The following NLRP12 variants were observed in gnomAD, a reference collection of about 807,000 sequenced individuals.
NLRP12 encodes the protein NLR family pyrin domain containing 12, also known as NACHT, LRR and PYD domains-containing protein 12.
Under a neutral mutation model 91.2 loss-of-function variants are expected in NLRP12, and 108 were observed. That is an observed-to-expected ratio of 1.18 (90% confidence interval 1.01 to 1.39). NLRP12 has a LOEUF of 1.39. NLRP12 is among the 40% of genes most tolerant of loss of function. NLRP12 has a pLI of 0.00. For missense variants in NLRP12, 1,530 were observed against 1,352.7 expected, an observed-to-expected ratio of 1.13 and a Z score of -2.06; for synonymous variants, 613 against 566.7, an observed-to-expected ratio of 1.08 and a Z score of -1.16.
intron 1 of NLRP12, among the ~76,000 whole-genome samples, chr19:53,823,307 T>C (rs953513729): frequency 2.2e-5 from 3 of 137,346 alleles, no homozygotes; most frequent in Non-Finnish European, 4.6e-5. Context: ...TAATATAGTA[T>C]ATTTATATAA....
intron 6 of NLRP12, among the ~76,000 whole-genome samples, chr19:53,803,122 G>A (rs922074015): frequency 2.0e-5 from 3 of 152,074 alleles, no homozygotes; most frequent in African/African-American, 7.2e-5. Flanking sequence ...GGCTGACTGT[G>A]GCTCAGTGGC....
Position 53,824,232 on chromosome 19 carries a change from G to A in NLRP12, c.-58C>T, listed in dbSNP as rs542195585. 9.6e-6 allele frequency: 15 copies of A among 1,570,182 alleles called. No individual in the cohort carries two copies. The East Asian group carries it at 3.1e-4, about 33-fold the overall frequency. ...GGAGGCTGAGATGCTCCTATGCACGGGACACAGGGCGACCCCAGCACACCT... is the reference window on the plus strand; with the variant it reads ...GGAGGCTGAGATGCTCCTATGCACGAGACACAGGGCGACCCCAGCACACCT... On this transcript the variant is annotated 5_prime_UTR_variant, in exon 1 of 10. Transcript: ENST00000324134.
chr19:53,802,706 CAA>C (rs531832866), intron 6 of NLRP12, among the ~76,000 whole-genome samples: 7 of 129,302 alleles, frequency 5.4e-5, no homozygotes, highest in Admixed American at 7.9e-5. Context: ...GACTCTGTCT[CAA>C]AAAAAAAAAA....
intron 8 of NLRP12, among the ~76,000 whole-genome samples, chr19:53,796,975 G>A (rs974179538): frequency 4.0e-5 from 6 of 148,164 alleles, no homozygotes; most frequent in African/African-American, 7.5e-5. Context: ...GTGACAGGGA[G>A]ACCCTGTTTT....
At chr19:53,802,936 A>C (rs1371557857) in intron 6 of NLRP12, among the ~76,000 whole-genome samples, 1 of 151,922 alleles carries the variant, frequency 6.6e-6, no homozygotes, top group Non-Finnish European at 1.5e-5. Flanking sequence ...TTTTTTGTAG[A>C]GATGAAGTCT....
chr19:53,800,729 T>A (rs1000365875), intron 7 of NLRP12, among the ~76,000 whole-genome samples: 1 of 151,956 alleles, frequency 6.6e-6, no homozygotes, highest in Non-Finnish European at 1.5e-5. Context: ...ATTATAGGCA[T>A]GCACCACCAT....
chr19:53,811,133 G>A lies in NLRP12; in HGVS notation c.526C>T (p.Leu176Phe), dbSNP rs777079738. 16 of 1,614,106 alleles carry A rather than the reference G, an allele frequency of 9.9e-6. No individual in the cohort carries two copies. In the South Asian group the frequency reaches 1.5e-4, roughly 16 times the overall value. The change falls in exon 3 of 10, where the codon CTT becomes TTT. Residue 176 changes from leucine to phenylalanine, a missense_variant. Physicochemically the swap from Leu to Phe is conservative, Grantham distance 22. Transcript: ENST00000324134. Reference protein sequence around the residue: ...HSNPMQVQQQLLDTGRGHART... With the variant: ...HSNPMQVQQQFLDTGRGHART... ...GCGTGTCCCCGGCCTGTGTCCAGAA[G>A]CTGCTGCTGGACCTGCATGGGGTTT...
In NLRP12 at chr19:53,804,278, G is replaced by A. The variant is rs962136282; in HGVS notation, c.2415-156C>T. On this transcript the variant is annotated intron_variant, in intron 5 of 9. Transcript: ENST00000324134. ...AGTGATATCAACTCGCTGAAGCCTC[G>A]ACCTCCAGGCTCCCGTGATCCTCCT... Among the ~76,000 whole-genome samples the A allele has an allele frequency of 7.9e-5, 12 of 151,844 alleles. No homozygotes were observed. The East Asian group carries it at 1.4e-3, about 17-fold the overall frequency.
Position 53,795,884 on chromosome 19 carries a change from G to C in NLRP12, c.3073C>G (p.Pro1025Ala), listed in dbSNP as rs749662133. 4.3e-6 allele frequency: 7 copies of C among 1,614,150 alleles called. No homozygotes were observed. Among genetic ancestry groups the C allele is most frequent in the Non-Finnish European group, 5.9e-6 (7 of 1,180,022 alleles). Residue 1025 changes from proline to alanine, a missense_variant, in exon 9 of 10, where the codon CCT becomes GCT. Coordinates refer to ENST00000324134, the MANE Select transcript of NLRP12 (RefSeq NM_144687.4). ...VRLLCKRLSH[P>A]GCKLRVLWLF... ...CAGAGGACTCGGAGTTTGCAGCCAG[G>C]ATGGCTCAGCCGCTTGCAAAGCAGT...
intron 9 of NLRP12, among the ~76,000 whole-genome samples, chr19:53,795,377 G>GA (rs1393063246): frequency 1.8e-5 from 2 of 109,124 alleles, no homozygotes; most frequent in Non-Finnish European, 3.9e-5. Flanking sequence ...AACAGACAAG[G>GA]AAATTTTTTT....
intron 1 of NLRP12, among the ~76,000 whole-genome samples, chr19:53,820,471 ACT>A (rs1380721754): frequency 6.6e-6 from 1 of 150,876 alleles, no homozygotes; most frequent in Admixed American, 6.7e-5. Context: ...CGGAGCTTGC[ACT>A]GAGCCAAGAT....
At position 53,810,529 on chromosome 19, in the gene NLRP12, T is replaced by C. The variant is rs760166759; in HGVS notation, c.1130A>G (p.Tyr377Cys). The C allele has an allele frequency of 3.7e-5, 59 of 1,614,022 alleles. No homozygotes were observed. Among genetic ancestry groups the C allele is most frequent in the Non-Finnish European group, 4.6e-5 (54 of 1,180,036 alleles). Reference sequence around the variant, plus strand: ...GCCCGCCTGCTCTGCATTGTGGAAATACTTGTAGAAGTATTCCTTCCTTTC... The same window carrying C: ...GCCCGCCTGCTCTGCATTGTGGAAACACTTGTAGAAGTATTCCTTCCTTTC... ...EAERKEYFYK[Y>C]FHNAEQAGQV... Residue 377 changes from tyrosine to cysteine, a missense_variant, in exon 3 of 10, where the codon TAT (tyrosine) becomes TGT (cysteine). By Grantham distance (194) the Tyr-to-Cys change is radical (BLOSUM62 -2). Coordinates refer to ENST00000324134, the MANE Select transcript of NLRP12 (RefSeq NM_144687.4).
chr19:53,813,951 G>A (rs140627015), intron 2 of NLRP12, among the ~76,000 whole-genome samples: 151 of 151,968 alleles, frequency 9.9e-4, no homozygotes, highest in Middle Eastern at 3.4e-3. Flanking sequence ...GATTACAGGC[G>A]TGAGCCACCT....
chr19:53,807,787 G>T, intron 3 of NLRP12, 122 bp from the exon 4 acceptor site: 1 of 1,194,226 alleles, frequency 8.4e-7, no homozygotes, highest in Non-Finnish European at 1.2e-6. Context: ...TTTCGCTCTT[G>T]TTGCCCAGGC....
At position 53,810,552 on chromosome 19, in the gene NLRP12, T is replaced by C. The variant is rs752502681; in HGVS notation, c.1107A>G (p.Glu369=). The C allele has an allele frequency of 6.2e-7, 1 of 1,614,168 alleles. No individual in the cohort carries two copies. Among genetic ancestry groups the C allele is most frequent in the Non-Finnish European group, 8.5e-7 (1 of 1,180,046 alleles). Residue 369 remains glutamate, a synonymous_variant, in exon 3 of 10, where the codon GAA becomes GAG. Coordinates refer to ENST00000324134, the MANE Select transcript of NLRP12 (RefSeq NM_144687.4). ...AATACTTGTAGAAGTATTCCTTCCT[T>C]TCTGCCTCAGAGAAGCCCAGGATCT... ...HVEILGFSEA[E]RKEYFYKYFH...
At chr19:53,799,319 A>G (rs1206133272) in intron 7 of NLRP12, among the ~76,000 whole-genome samples, 1 of 151,398 alleles carries the variant, frequency 6.6e-6, no homozygotes, top group East Asian at 2.0e-4. Context: ...CGCGTGTGTG[A>G]TTTTTTGTTT....
At chr19:53,799,955 G>A (rs1405771263) in intron 7 of NLRP12, among the ~76,000 whole-genome samples, 2 of 151,994 alleles carry the variant, frequency 1.3e-5, no homozygotes, top group Non-Finnish European at 2.9e-5. Context: ...CCTAAGGCCA[G>A]GAGTTTGACA....
intron 4 of NLRP12, among the ~76,000 whole-genome samples, chr19:53,806,983 C>A (rs2091970129): frequency 6.6e-6 from 1 of 152,120 alleles, no homozygotes; most frequent in African/African-American, 2.4e-5. Context: ...AAGAACTTAA[C>A]CTGCCCACTC....
At chr19:53,805,579 A>G (rs1226949648) in intron 4 of NLRP12, 129 bp from the exon 5 acceptor site, 1 of 1,073,944 alleles carries the variant, frequency 9.3e-7, no homozygotes, top group South Asian at 1.4e-5. Context: ...GAGCAGTGGC[A>G]TGATTTTGGC....
Sources: allele counts gnomAD v4.1 joint callset (sites outside exome capture counted in the v4.1 genomes callset), GRCh38; gene constraint gnomAD v4.1.1; transcripts MANE v1.5; gene names NCBI Gene and HGNC (gene_info 2026-07-23, HGNC 2026-07-21).